Variants in SI observed in about 807,000 individuals in gnomAD.
SI encodes sucrase-isomaltase.
SI carries 235 observed loss-of-function variants against 253.3 expected under a neutral mutation model. The ratio of observed to expected loss-of-function variants is 0.93; its 90% CI spans 0.83 to 1.03. The LOEUF (loss-of-function observed/expected upper bound fraction) is 1.03. Among genes scored for constraint, SI ranks in the 50% least tolerant of loss-of-function variants. The pLI is 0.00. For missense variants in SI, 2,442 were observed against 2,211.1 expected (o/e 1.10, Z -2.09); for synonymous variants, 819 against 712.0 (o/e 1.15, Z -2.39).
intron 34 of SI, among the ~76,000 whole-genome samples, chr3:165,010,752 G>A (rs954786451): frequency 3.3e-5 from 5 of 152,094 alleles, no homozygotes; most frequent in African/African-American, 1.2e-4. Context: ...TCAGGTACAT[G>A]TAATCCAACA....
intron 27 of SI, 135 bp from the exon 28 acceptor site, chr3:165,019,905 C>A (rs982761789): frequency 1.2e-6 from 1 of 802,508 alleles, no homozygotes; most frequent in Non-Finnish European, 2.1e-6. Context: ...ACCCAGGTAC[C>A]AAATGGAAAT....
chr3:165,046,888 A>G lies in SI; in HGVS notation c.1840T>C (p.Trp614Arg). 1 of 1,613,348 alleles carries G rather than the reference A, an allele frequency of 6.2e-7. No individual in the cohort carries two copies. Among genetic ancestry groups the G allele is most frequent in the Non-Finnish European group, 8.5e-7 (1 of 1,179,546 alleles). ...AACTCCAGCATTCCAGTTATAGACCATTCCATTTGTTCCCATGAAGCAGTA... is the reference window on the plus strand; with the variant it reads ...AACTCCAGCATTCCAGTTATAGACCGTTCCATTTGTTCCCATGAAGCAGTA... ...DNTASWEQME[W>R]SITGMLEFSL... The change falls in exon 16 of 48, where the codon TGG (tryptophan) becomes CGG (arginine). Residue 614 changes from tryptophan to arginine, a missense_variant. Transcript: ENST00000264382.
chr3:165,062,524 A>C (rs371910372), intron 8 of SI, 41 bp from the exon 9 acceptor site: 3 of 1,005,178 alleles, frequency 3.0e-6, no homozygotes, highest in Non-Finnish European at 4.8e-6. Context: ...AAATAGTGAA[A>C]AGGATTATAG....
chr3:165,039,019 T>C lies in SI; in HGVS notation c.2301+59A>G, dbSNP rs1398939572. On this transcript the variant is annotated intron_variant, in intron 20 of 47. Transcript: ENST00000264382. Reference sequence around the variant, plus strand: ...AAGTTTCTATGGAATTAAGTTTCTATGTAGAAGTGTTTGAAAATATAATAC... The same window carrying C: ...AAGTTTCTATGGAATTAAGTTTCTACGTAGAAGTGTTTGAAAATATAATAC... 4.7e-6 allele frequency: 5 copies of C among 1,074,874 alleles called. No individual in the cohort carries two copies. In the East Asian group the frequency reaches 7.2e-5, roughly 15 times the overall value. The allele number at this position is 1,074,874 out of a possible 1,614,324, so 66.6% of individuals were successfully genotyped here. A position where few individuals can be genotyped will look rare whatever the true frequency, so the allele number is the denominator to read the frequency against.
intron 21 of SI, among the ~76,000 whole-genome samples, chr3:165,036,953 T>A (rs754896752): frequency 2.6e-5 from 4 of 151,676 alleles, no homozygotes; most frequent in Non-Finnish European, 5.9e-5. Flanking sequence ...AGTAATGAGA[T>A]GTAGTCAAGA....
intron 33 of SI, among the ~76,000 whole-genome samples, chr3:165,013,399 C>T (rs952604703): frequency 6.6e-6 from 1 of 151,924 alleles, no homozygotes; most frequent in South Asian, 2.1e-4. Flanking sequence ...TAGAATTACT[C>T]CAGGGTTAAA....
At position 165,049,777 on chromosome 3, in the gene SI, C is replaced by T; in HGVS notation, c.1597+14G>A. On this transcript the variant is annotated intron_variant, in intron 14 of 47. Coordinates refer to ENST00000264382, the MANE Select transcript of SI (RefSeq NM_001041.4). ...TCAATTAAAACAGTAATTAGATAAC[C>T]AAATAAATTTTACCAGGAGTAAACG... 1 of 1,447,728 alleles carries T rather than the reference C, an allele frequency of 6.9e-7. No homozygotes were observed. Among genetic ancestry groups the T allele is most frequent in the Non-Finnish European group, 9.7e-7 (1 of 1,030,914 alleles). The allele number at this position is 1,447,728 out of a possible 1,614,324, so 89.7% of individuals were successfully genotyped here.
chr3:165,055,234 C>A lies in SI; in HGVS notation c.1472G>T (p.Ser491Ile), dbSNP rs143176463. ...ATATTGCACTTCTTGATGGAAAATA[C>A]TGCATTCATTTGCCCACCAATCAAT... ...NCIDWWANEC[S>I]IFHQEVQYDG... The change falls in exon 13 of 48, where the codon AGT becomes ATT. Residue 491 changes from serine to isoleucine, a missense_variant. By Grantham distance (142) the Ser-to-Ile change is moderately radical (BLOSUM62 -2). Coordinates refer to ENST00000264382, the MANE Select transcript of SI (RefSeq NM_001041.4). The A allele has an allele frequency of 1.6e-5, 26 of 1,611,494 alleles. No homozygotes were observed. The highest frequency in any genetic ancestry group is 6.7e-5 in the African/African-American group (5 of 74,958).
chr3:165,033,108 T>C (rs1712335525), intron 23 of SI, among the ~76,000 whole-genome samples: 1 of 151,664 alleles, frequency 6.6e-6, no homozygotes, highest in African/African-American at 2.4e-5. Context: ...TATGTTGAAA[T>C]TGTTTTCCTA....
chr3:165,089,157 A>C, the SI span, among the ~76,000 whole-genome samples: 2 of 147,228 alleles, frequency 1.4e-5, no homozygotes, highest in African/African-American at 5.0e-5. Flanking sequence ...TTTAGTTTTC[A>C]TATTGGCAAA....
At chr3:165,038,625 G>T (rs1381784298) in intron 20 of SI, among the ~76,000 whole-genome samples, 1 of 151,488 alleles carries the variant, frequency 6.6e-6, no homozygotes, top group African/African-American at 2.4e-5. Context: ...TGGTGTATTT[G>T]AGTGCTGTTA....
chr3:165,080,554 A>G (rs985139617), upstream of SI, among the ~76,000 whole-genome samples: 7 of 152,060 alleles, frequency 4.6e-5, no homozygotes, highest in Non-Finnish European at 1.0e-4. Context: ...CATATACACC[A>G]TGGAATACTA....
chr3:165,062,512 G>A (rs1472850817), intron 8 of SI, 29 bp from the exon 9 acceptor site: 3 of 1,111,368 alleles, frequency 2.7e-6, no homozygotes, highest in Non-Finnish European at 1.4e-6. Context: ...AAACTTATAT[G>A]TAAATAGTGA....
chr3:165,058,871 C>CACACACACACAT, intron 12 of SI, 92 bp downstream of exon 12: 1 of 989,790 alleles, frequency 1.0e-6, no homozygotes. Flanking sequence ...CACACACACA[C>CACACACACACAT]ACACACACAC....
intron 28 of SI, among the ~76,000 whole-genome samples, chr3:165,019,028 G>A (rs893852593): frequency 2.6e-5 from 4 of 151,660 alleles, no homozygotes; most frequent in Admixed American, 6.6e-5. Flanking sequence ...TTTATGATAT[G>A]TTTGGAATAT....
rs1375880741 is a variant in SI, at chr3:165,039,986, A to C, written c.2160-15T>G. The C allele has an allele frequency of 6.3e-7, 1 of 1,592,044 alleles. No individual in the cohort carries two copies. The highest frequency in any genetic ancestry group is 1.3e-5 in the African/African-American group (1 of 74,490). ...CCTCATAAAACCTAAGAACAATGAC[A>C]ATGTTTAAAGTATAATAATGAAAAA... On this transcript the variant is annotated splice_polypyrimidine_tract_variant and intron_variant, in intron 18 of 47. Transcript: ENST00000264382.
intron 4 of SI, 69 bp downstream of exon 4, chr3:165,069,009 G>T: frequency 8.7e-7 from 1 of 1,145,766 alleles, no homozygotes; most frequent in Non-Finnish European, 1.3e-6. Context: ...TTCTATTTAA[G>T]GTATTTTCCA....
intron 8 of SI, among the ~76,000 whole-genome samples, 183 bp from the exon 9 acceptor site, chr3:165,062,666 C>T (rs1400060558): frequency 6.6e-6 from 1 of 151,996 alleles, no homozygotes; most frequent in Non-Finnish European, 1.5e-5. Context: ...GCCAACATGT[C>T]TGAGGCTTAT....
At chr3:165,075,812 A>T (rs1714922526) in intron 2 of SI, 83 bp downstream of exon 2, 2 of 861,480 alleles carry the variant, frequency 2.3e-6, no homozygotes, top group East Asian at 4.9e-5. Context: ...TACACAGATT[A>T]TTTTTTAAAA....
Sources: allele counts gnomAD v4.1 joint callset (sites outside exome capture counted in the v4.1 genomes callset), GRCh38; gene constraint gnomAD v4.1.1; transcripts MANE v1.5; gene names NCBI Gene and HGNC (gene_info 2026-07-23, HGNC 2026-07-21).